TATDN2: variants seen among roughly 807,000 people sequenced by gnomAD.
TATDN2 encodes TatD DNase domain containing 2, also known as 3'-5' RNA nuclease TATDN2.
TATDN2 carries 44 observed loss-of-function variants against 60.3 expected under a neutral mutation model. The observed-to-expected ratio is 0.73, with a 90% confidence interval of 0.57 to 0.94. TATDN2 has a LOEUF of 0.94. TATDN2 is among the 40% of genes least tolerant of loss of function. The pLI is 0.00. For synonymous variants in TATDN2, 399 were observed against 355.8 expected (o/e 1.12, Z -1.37); for missense variants, 997 against 948.0 (o/e 1.05, Z -0.68).
Position 10,278,137 on chromosome 3 carries a change from CTG to C in TATDN2, c.1962-138_1962-137del. 1.0e-6 allele frequency: 1 copy of C among 971,030 alleles called. No individual in the cohort carries two copies. The highest frequency in any genetic ancestry group is 1.5e-6 in the Non-Finnish European group (1 of 649,672). 60.2% of individuals were successfully genotyped at this position (971,030 alleles called of 1,614,324 possible). On this transcript the variant is annotated intron_variant, in intron 5 of 7. Coordinates refer to ENST00000448281, the MANE Select transcript of TATDN2 (RefSeq NM_014760.4). This position sits in a 1 kb window ranked among gnomAD's most constrained non-coding sequence, Gnocchi z 4.7. ...TTCCTGTGTTGGAGCCAGCCCTTGT[CTG>C]TGTTTACTGTGGAGTCCTTCCCTAG...
chr3:10,253,084 C>G (rs1043004286), intron 2 of TATDN2, among the ~76,000 whole-genome samples: 1 of 152,082 alleles, frequency 6.6e-6, no homozygotes, highest in South Asian at 2.1e-4. Flanking sequence ...GTCTCGATCT[C>G]TTGACCTCGT....
Position 10,260,198 on chromosome 3 carries a change from G to A in TATDN2, c.476G>A (p.Gly159Asp), listed in dbSNP as rs139784228. ...TNSEFAAEAEGQNDTIEEPNK... is the reference protein window; with the variant it reads ...TNSEFAAEAEDQNDTIEEPNK... Reference sequence around the variant, plus strand: ...TCTGAATTTGCAGCTGAAGCTGAGGGTCAGAATGATACAATTGAGGAACCC... The same window carrying A: ...TCTGAATTTGCAGCTGAAGCTGAGGATCAGAATGATACAATTGAGGAACCC... The change falls in exon 3 of 8, where the codon GGT (glycine) becomes GAT (aspartate). Residue 159 changes from glycine (G) to aspartate (D), a missense_variant. Transcript: ENST00000448281. The A allele has an allele frequency of 5.6e-6, 9 of 1,613,996 alleles. No homozygotes were observed. The African/African-American group carries it at 9.3e-5, about 17-fold the overall frequency.
At chr3:10,260,722 G>A (rs547775852) in intron 3 of TATDN2, 52 bp downstream of exon 3, 7 of 1,555,764 alleles carry the variant, frequency 4.5e-6, no homozygotes, top group Non-Finnish European at 1.7e-6. Context: ...TTGATGAAAT[G>A]TGTTCCATCT....
At chr3:10,272,261 C>T (rs903494604) in intron 4 of TATDN2, among the ~76,000 whole-genome samples, 2 of 151,950 alleles carry the variant, frequency 1.3e-5, no homozygotes, top group African/African-American at 4.8e-5. Context: ...CACACCACCA[C>T]GCCTGGCTAA....
rs767153067 is a variant in TATDN2 at position 10,249,452 on chromosome 3, CT to C, written c.253del (p.Ser85ProfsTer18). 1 of 1,613,930 alleles carries C rather than the reference CT, an allele frequency of 6.2e-7. No homozygotes were observed. Among genetic ancestry groups the C allele is most frequent in the African/African-American group, 1.3e-5 (1 of 75,062 alleles). ...GCAGAAATAACTCCTCCTCCTCCTT[CT>C]CCCCACATTTCTTGGGCCCTGGTGT... ...RRRNNSSSSF[S>X]PHFLGPGVGG... On this transcript the variant is annotated frameshift_variant, in exon 2 of 8. Coordinates refer to ENST00000448281, the MANE Select transcript of TATDN2 (RefSeq NM_014760.4). LOFTEE classifies it high-confidence loss of function.
intron 3 of TATDN2, among the ~76,000 whole-genome samples, chr3:10,268,339 T>G (rs569814727): frequency 6.6e-5 from 10 of 152,336 alleles, no homozygotes; most frequent in Middle Eastern, 3.4e-3. Context: ...CATAAACAGT[T>G]TTGTTCCATT....
In TATDN2 at chr3:10,280,970, C is replaced by T. The variant is rs952904824; in HGVS notation, c.*1788C>T. The stretch of plus-strand genomic sequence containing the variant: ...GGAGATGACATGGAAGTCTCCAAGC[C>T]TGTGCCATCCACCTGCCAAGGAAAA... On this transcript the variant is annotated 3_prime_UTR_variant, in exon 8 of 8. Coordinates refer to ENST00000448281, the MANE Select transcript of TATDN2 (RefSeq NM_014760.4). The T allele has an allele frequency of 5.3e-5, 8 of 152,334 alleles. No homozygotes were observed. The highest frequency in any genetic ancestry group is 7.2e-5 in the African/African-American group (3 of 41,468). The allele number at this position is 152,334 out of a possible 1,614,324, so 9.4% of individuals were successfully genotyped here.
chr3:10,277,278 T>G (rs1173770716), intron 5 of TATDN2, among the ~76,000 whole-genome samples: 1 of 152,246 alleles, frequency 6.6e-6, no homozygotes, highest in Non-Finnish European at 1.5e-5. Flanking sequence ...TTTGGTAAAC[T>G]CTCTGAACTT....
Position 10,278,826 on chromosome 3 carries a change from C to T in TATDN2, c.2146-59C>T. 2 of 1,612,476 alleles carry T rather than the reference C, an allele frequency of 1.2e-6. No homozygotes were observed. The highest frequency in any genetic ancestry group is 2.2e-5 in the East Asian group (1 of 44,874). On this transcript the variant is annotated intron_variant, in intron 6 of 7. Transcript: ENST00000448281. The surrounding 1 kb of genome is among the most constrained non-coding windows in gnomAD (Gnocchi z 4.7). Reference sequence around the variant, plus strand: ...CTGGGGAAGGGACAGGGAGGGAGTTCTAGATTATGACTGTGCACACATGGC... The same window carrying T: ...CTGGGGAAGGGACAGGGAGGGAGTTTTAGATTATGACTGTGCACACATGGC...
At chr3:10,255,014 TC>T (rs1435899830) in intron 2 of TATDN2, among the ~76,000 whole-genome samples, 1 of 41,756 alleles carries the variant, frequency 2.4e-5, no homozygotes, top group Non-Finnish European at 4.3e-5. Context: ...CACTTCCCAC[TC>T]CCCCTCCCCC....
In TATDN2 at chr3:10,249,440, C is replaced by T; in HGVS notation, c.240C>T (p.Ser80=). The T allele has an allele frequency of 1.2e-6, 2 of 1,613,968 alleles. No homozygotes were observed. The highest frequency in any genetic ancestry group is 1.1e-5 in the South Asian group (1 of 91,088). The change falls in exon 2 of 8, where the codon TCC becomes TCT. Residue 80 remains serine, a synonymous_variant. Transcript: ENST00000448281. ...SWGSSRRRNN[S]SSSFSPHFLG... Reference sequence around the variant, plus strand: ...GCTCATCCCGCCGCAGAAATAACTCCTCCTCCTCCTTCTCCCCACATTTCT... The same window carrying T: ...GCTCATCCCGCCGCAGAAATAACTCTTCCTCCTCCTTCTCCCCACATTTCT...
At chr3:10,250,043 A>G (rs1490224960) in intron 2 of TATDN2, among the ~76,000 whole-genome samples, 1 of 152,180 alleles carries the variant, frequency 6.6e-6, no homozygotes, top group Non-Finnish European at 1.5e-5. Flanking sequence ...TTGTCAGTTT[A>G]AAGAATTGTG....
At chr3:10,273,135 T>C (rs767333992) in intron 4 of TATDN2, among the ~76,000 whole-genome samples, 1 of 152,192 alleles carries the variant, frequency 6.6e-6, no homozygotes, top group Non-Finnish European at 1.5e-5. Context: ...AACACAGTCT[T>C]GAAGATGTCA....
Position 10,270,835 on chromosome 3 carries a change from G to C in TATDN2, c.1653G>C (p.Leu551=). The change falls in exon 4 of 8, where the codon CTG becomes CTC. Residue 551 remains leucine, a synonymous_variant. Transcript: ENST00000448281. ...TGACAGATTGCCTATGGGAGGAGCT[G>C]TTGAAAGAGGATCTGGTCTGGGGGG... The part of the protein sequence containing the change: ...RTLTDCLWEE[L]LKEDLVWGAF... The C allele has an allele frequency of 6.2e-7, 1 of 1,614,204 alleles. No homozygotes were observed. Among genetic ancestry groups the C allele is most frequent in the Non-Finnish European group, 8.5e-7 (1 of 1,180,032 alleles).
Position 10,276,368 on chromosome 3 carries a change from A to T in TATDN2, c.1841A>T (p.Glu614Val). ...TPVPEQHKVF[E>V]RQLQLAVSLK... is the part of the protein sequence containing the mutation. ...CGCTGTGTCCTCTCCTAGGTATTTG[A>T]GAGACAGCTGCAGCTGGCTGTGTCT... The change falls in exon 5 of 8, where the codon GAG becomes GTG. Residue 614 changes from glutamate to valine, a missense_variant. Glu to Val is a moderately radical substitution (Grantham distance 121, BLOSUM62 -2). Coordinates refer to ENST00000448281, the MANE Select transcript of TATDN2 (RefSeq NM_014760.4). 1 of 1,613,832 alleles carries T rather than the reference A, an allele frequency of 6.2e-7. No homozygotes were observed. The highest frequency in any genetic ancestry group is 8.5e-7 in the Non-Finnish European group (1 of 1,179,876).
At chr3:10,276,275 G>T (rs934762931) in intron 4 of TATDN2, 86 bp from the exon 5 acceptor site, 69 of 1,504,940 alleles carry the variant, frequency 4.6e-5, no homozygotes, top group African/African-American at 1.8e-4. Context: ...AGACACAGGG[G>T]GTGCCTGCTG....
rs1698680642 is a variant in TATDN2, at chr3:10,278,974, C to T, written c.2235C>T (p.Ser745=). 1.9e-6 allele frequency: 3 copies of T among 1,614,256 alleles called. No homozygotes were observed. The highest frequency in any genetic ancestry group is 2.7e-5 in the African/African-American group (2 of 75,074). The change falls in exon 7 of 8, where the codon TCC becomes TCT. Residue 745 remains serine (S), a synonymous_variant. Transcript: ENST00000448281. This position sits in a 1 kb window ranked among gnomAD's most constrained non-coding sequence, Gnocchi z 4.7. ...CCAGAGTCAAAGATCAGCCACTCTCCCTCACCTTGGCTGCCTTGCGTGAGA... is the reference window on the plus strand; with the variant it reads ...CCAGAGTCAAAGATCAGCCACTCTCTCTCACCTTGGCTGCCTTGCGTGAGA... ...EIARVKDQPL[S]LTLAALRENT...
Position 10,249,485 on chromosome 3 carries a change from G to T in TATDN2, c.285G>T (p.Gly95=). 6.2e-7 allele frequency: 1 copy of T among 1,613,426 alleles called. No individual in the cohort carries two copies. The highest frequency in any genetic ancestry group is 8.5e-7 in the Non-Finnish European group (1 of 1,179,718). ...ATTTCTTGGGCCCTGGTGTGGGCGG[G>T]GCCGCCTCCAAAGGCTGCCTGATTC... ...SPHFLGPGVG[G]AASKGCLIRN... Residue 95 remains glycine (G), a synonymous_variant, in exon 2 of 8, where the codon GGG becomes GGT. Coordinates refer to ENST00000448281, the MANE Select transcript of TATDN2 (RefSeq NM_014760.4).
Position 10,261,479 on chromosome 3 carries a change from T to G in TATDN2, c.948+809T>G, listed in dbSNP as rs554796624. 3.9e-5 allele frequency among the ~76,000 whole-genome samples: 6 copies of G among 151,974 alleles called. No homozygotes were observed. The South Asian group carries it at 1.0e-3, about 26-fold the overall frequency. On this transcript the variant is annotated intron_variant, in intron 3 of 7. Transcript: ENST00000448281. ...TCCACCTCCTGGGTTCAAGCAATTCTCCTGCCTCAGCCTCCTGAGTAGCTG... is the reference window on the plus strand; with the variant it reads ...TCCACCTCCTGGGTTCAAGCAATTCGCCTGCCTCAGCCTCCTGAGTAGCTG...
Sources: allele counts gnomAD v4.1 joint callset (sites outside exome capture counted in the v4.1 genomes callset), GRCh38; gene constraint gnomAD v4.1.1; non-coding constraint Gnocchi (gnomAD v3.1); transcripts MANE v1.5; gene names NCBI Gene and HGNC (gene_info 2026-07-23, HGNC 2026-07-21).